The following AGBL4 variants were observed in gnomAD, a reference collection of about 807,000 sequenced individuals.
AGBL4 encodes the protein AGBL carboxypeptidase 4.
A neutral mutation model predicts 66.4 loss-of-function variants in AGBL4; 58 were observed. The ratio of observed to expected loss-of-function variants is 0.87; its 90% confidence interval spans 0.71 to 1.09. AGBL4 has a LOEUF of 1.09. AGBL4 is among the 50% of genes least tolerant of loss of function. The pLI is 0.00. For synonymous variants in AGBL4, 234 were observed against 222.9 expected, an observed-to-expected ratio of 1.05 and a Z score of -0.44; for missense variants, 579 against 631.0, an observed-to-expected ratio of 0.92 and a Z score of 0.88.
chr1:48,761,086 C>T (rs894964198), intron 6 of AGBL4: 8 of 386,902 alleles, frequency 2.1e-5, no homozygotes, highest in African/African-American at 4.0e-5. Flanking sequence ...CCTCCAACAG[C>T]GATGACACTG....
At chr1:49,852,367 A>T (rs918706966) in intron 1 of AGBL4, among the ~76,000 whole-genome samples, 1 of 152,166 alleles carries the variant, frequency 6.6e-6, no homozygotes, top group Non-Finnish European at 1.5e-5. Flanking sequence ...ATTAAACATC[A>T]AATAAGGAAA....
chr1:49,699,802 C>G (rs1397875575), intron 2 of AGBL4, among the ~76,000 whole-genome samples: 1 of 151,744 alleles, frequency 6.6e-6, no homozygotes, highest in East Asian at 1.9e-4. Flanking sequence ...TGTATGATGA[C>G]TAAACCTAGA....
chr1:49,372,673 T>TTC (rs1557878767), intron 3 of AGBL4, among the ~76,000 whole-genome samples: 1 of 131,200 alleles, frequency 7.6e-6, no homozygotes, highest in Non-Finnish European at 1.7e-5. Flanking sequence ...CTTTCTTTCT[T>TTC]TCTTTCTCTT....
At chr1:50,007,108 T>TC (rs1321955626) in intron 1 of AGBL4, among the ~76,000 whole-genome samples, 1 of 152,234 alleles carries the variant, frequency 6.6e-6, no homozygotes, top group Non-Finnish European at 1.5e-5. Flanking sequence ...TATTAGTTTT[T>TC]CTCTTTGCTT....
At chr1:48,800,033 C>T (rs1645774126) in intron 6 of AGBL4, among the ~76,000 whole-genome samples, 1 of 152,088 alleles carries the variant, frequency 6.6e-6, no homozygotes, top group Non-Finnish European at 1.5e-5. Flanking sequence ...AGGGAGGATT[C>T]CCTCTTTTTG....
intron 3 of AGBL4, among the ~76,000 whole-genome samples, chr1:49,527,061 A>G (rs570060300): frequency 6.6e-6 from 1 of 152,292 alleles, no homozygotes; most frequent in East Asian, 1.9e-4. Context: ...TTAAGTAAAT[A>G]CTATGTGTCA....
intron 1 of AGBL4, among the ~76,000 whole-genome samples, chr1:49,887,482 G>T (rs1281280116): frequency 6.6e-6 from 1 of 151,922 alleles, no homozygotes; most frequent in Admixed American, 6.6e-5. Context: ...ACAGCTGGGA[G>T]AATTTATAGA....
chr1:49,508,577 G>C (rs1198729597), intron 3 of AGBL4, among the ~76,000 whole-genome samples: 1 of 151,938 alleles, frequency 6.6e-6, no homozygotes, highest in Non-Finnish European at 1.5e-5. Flanking sequence ...AGACATCCAG[G>C]TCTCTTAGAA....
intron 2 of AGBL4, among the ~76,000 whole-genome samples, chr1:49,809,588 TACA>T (rs1645053657): frequency 6.6e-6 from 1 of 152,206 alleles, no homozygotes; most frequent in Non-Finnish European, 1.5e-5. Flanking sequence ...TATCCTGCTG[TACA>T]ACATTATATC....
intron 3 of AGBL4, among the ~76,000 whole-genome samples, chr1:49,319,659 T>G (rs557310274): frequency 6.0e-4 from 92 of 152,330 alleles, no homozygotes; most frequent in Non-Finnish European, 1.0e-3. Context: ...AGTCTTAGTC[T>G]GTTTTATACT....
intron 3 of AGBL4, among the ~76,000 whole-genome samples, chr1:49,335,636 T>C (rs368696247): frequency 1.9e-4 from 29 of 151,964 alleles, no homozygotes; most frequent in South Asian, 8.3e-4. Flanking sequence ...CTGCCTCAGC[T>C]TCCCGAGTAG....
At chr1:49,832,012 A>G (rs541499441) in intron 2 of AGBL4, among the ~76,000 whole-genome samples, 3 of 150,986 alleles carry the variant, frequency 2.0e-5, no homozygotes, top group Admixed American at 1.3e-4. Context: ...TATTATTATT[A>G]TACTTTAACT....
intron 6 of AGBL4, chr1:48,759,323 C>T: frequency 6.5e-7 from 1 of 1,535,622 alleles, no homozygotes; most frequent in Non-Finnish European, 8.8e-7. Flanking sequence ...GCAAGGGCAG[C>T]TGGGATTTTC....
intron 2 of AGBL4, among the ~76,000 whole-genome samples, chr1:49,704,042 C>T (rs1318051252): frequency 6.6e-6 from 1 of 152,020 alleles, no homozygotes; most frequent in Admixed American, 6.6e-5. Flanking sequence ...GTCTTTTGCA[C>T]TAAAAACTAC....
At chr1:49,891,089 C>T (rs1468032495) in intron 1 of AGBL4, among the ~76,000 whole-genome samples, 1 of 151,992 alleles carries the variant, frequency 6.6e-6, no homozygotes, top group African/African-American at 2.4e-5. Context: ...TTAAGGGAGA[C>T]AGTAATTTCT....
chr1:49,682,361 G>A (rs542943308), intron 3 of AGBL4, among the ~76,000 whole-genome samples: 5 of 152,172 alleles, frequency 3.3e-5, no homozygotes, highest in East Asian at 3.9e-4. Flanking sequence ...CCGAGATCAC[G>A]CCACTGCACT....
intron 1 of AGBL4, among the ~76,000 whole-genome samples, chr1:49,879,543 T>C (rs1461798105): frequency 6.7e-6 from 1 of 148,230 alleles, no homozygotes; most frequent in Non-Finnish European, 1.5e-5. Context: ...GTTAGTCTGA[T>C]GGGCTTCCCT....
At chr1:49,768,474 A>G (rs1643958228) in intron 2 of AGBL4, among the ~76,000 whole-genome samples, 1 of 152,220 alleles carries the variant, frequency 6.6e-6, no homozygotes, top group African/African-American at 2.4e-5. Context: ...AGAAACCCAT[A>G]TCTTTTTATG....
intron 8 of AGBL4, among the ~76,000 whole-genome samples, chr1:48,647,054 G>A (rs1645848962): frequency 6.6e-6 from 1 of 152,100 alleles, no homozygotes; most frequent in Non-Finnish European, 1.5e-5. Flanking sequence ...CACCCAGCAG[G>A]ACCTCAACAA....
Sources: allele counts gnomAD v4.1 joint callset (sites outside exome capture counted in the v4.1 genomes callset), GRCh38; gene constraint gnomAD v4.1.1; transcripts MANE v1.5; gene names NCBI Gene and HGNC (gene_info 2026-07-23, HGNC 2026-07-21).